The following PLEK variants were observed in gnomAD, a reference collection of about 807,000 sequenced individuals.
PLEK encodes the protein platelet 47 kDa protein.
PLEK carries 25 observed loss-of-function variants against 43.9 expected under a neutral mutation model. That is an observed-to-expected ratio of 0.57 (90% CI 0.41 to 0.79). PLEK has a LOEUF of 0.79. Among genes scored for constraint, PLEK ranks in the 30% least tolerant of loss-of-function variants. The pLI is 0.00. For synonymous variants in PLEK, 152 were observed against 144.4 expected, an observed-to-expected ratio of 1.05 and a Z score of -0.38; for missense variants, 396 against 413.3, an observed-to-expected ratio of 0.96 and a Z score of 0.36.
Position 68,395,853 on chromosome 2 carries a change from G to A in PLEK, c.*37G>A. The A allele has an allele frequency of 1.9e-6, 3 of 1,590,598 alleles. No homozygotes were observed. The highest frequency in any genetic ancestry group is 2.6e-6 in the Non-Finnish European group (3 of 1,159,552). Reference sequence around the variant, plus strand: ...CATTCCTCCTCCCCTCCTGAGGGAAGCCCATGGACAAGCTCAGTCCAGGAC... The same window carrying A: ...CATTCCTCCTCCCCTCCTGAGGGAAACCCATGGACAAGCTCAGTCCAGGAC... On this transcript the variant is annotated 3_prime_UTR_variant, in exon 9 of 9. Coordinates refer to ENST00000234313, the MANE Select transcript of PLEK (RefSeq NM_002664.3).
At position 68,370,694 on chromosome 2, in the gene PLEK, C is replaced by A. The variant is rs553915521; in HGVS notation, c.42+5301C>A. ...AGAGATGGGGTTTCACCATGTTGGC[C>A]AGGCTTGTCTTGAACTCTTAACCTC... On this transcript the variant is annotated intron_variant, in intron 1 of 8. Transcript: ENST00000234313. Among the ~76,000 whole-genome samples the A allele has an allele frequency of 2.0e-5, 3 of 152,172 alleles. No homozygotes were observed. The East Asian group carries it at 5.8e-4, about 29-fold the overall frequency.
At chr2:68,368,603 C>T (rs928966677) in intron 1 of PLEK, among the ~76,000 whole-genome samples, 6 of 152,222 alleles carry the variant, frequency 3.9e-5, no homozygotes, top group Non-Finnish European at 7.3e-5. Context: ...ACCTCAGCCT[C>T]CTTTCCTCTC....
intron 1 of PLEK, among the ~76,000 whole-genome samples, chr2:68,366,260 A>G (rs1558494154): frequency 6.6e-6 from 1 of 152,228 alleles, no homozygotes; most frequent in African/African-American, 2.4e-5. Context: ...TTTTAGTTGA[A>G]TGAACAGTGA....
rs1673953063 is a variant in PLEK, at chr2:68,395,840, C to T, written c.*24C>T. On this transcript the variant is annotated 3_prime_UTR_variant, in exon 9 of 9. Coordinates refer to ENST00000234313, the MANE Select transcript of PLEK (RefSeq NM_002664.3). ...AAAGAGACTCCTGCATTCCTCCTCC[C>T]CTCCTGAGGGAAGCCCATGGACAAG... is the stretch of plus-strand genomic sequence containing the variant. 1 of 1,606,108 alleles carries T rather than the reference C, an allele frequency of 6.2e-7. No homozygotes were observed. Among genetic ancestry groups the T allele is most frequent in the Non-Finnish European group, 8.5e-7 (1 of 1,173,222 alleles).
At chr2:68,370,207 G>T (rs1346211816) in intron 1 of PLEK, among the ~76,000 whole-genome samples, 3 of 152,182 alleles carry the variant, frequency 2.0e-5, no homozygotes, top group East Asian at 1.9e-4. Context: ...GCCATACATT[G>T]TATGTGAAAA....
At chr2:68,383,156 G>C (rs1173815143) in intron 4 of PLEK, among the ~76,000 whole-genome samples, 2 of 152,102 alleles carry the variant, frequency 1.3e-5, no homozygotes, top group Non-Finnish European at 2.9e-5. Flanking sequence ...TAAAACCTTG[G>C]CTCAATAACT....
chr2:68,376,140 G>T (rs1673496455), intron 1 of PLEK, among the ~76,000 whole-genome samples: 1 of 152,148 alleles, frequency 6.6e-6, no homozygotes, highest in Non-Finnish European at 1.5e-5. Flanking sequence ...GTCTATGGGA[G>T]ACACGGCTGT....
At chr2:68,378,853 G>T (rs1673555711) in intron 1 of PLEK, among the ~76,000 whole-genome samples, 1 of 152,176 alleles carries the variant, frequency 6.6e-6, no homozygotes. Flanking sequence ...GAACCAGCTG[G>T]GCGCGATGGC....
chr2:68,386,001 A>G (rs1024142224), intron 4 of PLEK, among the ~76,000 whole-genome samples: 1 of 152,222 alleles, frequency 6.6e-6, no homozygotes, highest in African/African-American at 2.4e-5. Context: ...TGAGTGGGTT[A>G]GTAAAACCTA....
chr2:68,367,119 T>C (rs543893817), intron 1 of PLEK, among the ~76,000 whole-genome samples: 2 of 152,206 alleles, frequency 1.3e-5, no homozygotes, highest in Non-Finnish European at 1.5e-5. Context: ...TGGAATTAAA[T>C]AGTGAAATTT....
chr2:68,378,199 T>C lies in PLEK; in HGVS notation c.43-2129T>C, dbSNP rs1673542676. Among the ~76,000 whole-genome samples the C allele has an allele frequency of 1.3e-5, 2 of 152,174 alleles. 1 individual carries two copies. The highest frequency in any genetic ancestry group is 1.3e-4 in the Admixed American group (2 of 15,274). On this transcript the variant is annotated intron_variant, in intron 1 of 8. Coordinates refer to ENST00000234313, the MANE Select transcript of PLEK (RefSeq NM_002664.3). ...TTAAGATGGAATTATTATCTCTCTCTTAGCAAACAAAAAGCCATGGCTCAG... is the reference window on the plus strand; with the variant it reads ...TTAAGATGGAATTATTATCTCTCTCCTAGCAAACAAAAAGCCATGGCTCAG...
chr2:68,394,126 C>A lies in PLEK; in HGVS notation c.866C>A (p.Ala289Glu), dbSNP rs554199770. 3 of 1,609,248 alleles carry A rather than the reference C, an allele frequency of 1.9e-6. No individual in the cohort carries two copies. Among genetic ancestry groups the A allele is most frequent in the African/African-American group, 2.7e-5 (2 of 74,948 alleles). Residue 289 changes from alanine to glutamate, a missense_variant, in exon 8 of 9, where the codon GCA becomes GAA. By Grantham distance (107) the Ala-to-Glu change is moderately radical. Transcript: ENST00000234313. ...DPAGAEDPLG[A>E]IHLRGCVVTS... is the part of the protein sequence containing the mutation. Reference sequence around the variant, plus strand: ...CTTTAGGCAGAAGATCCCCTGGGAGCAATTCACTTGAGAGGCTGTGTGGTG... The same window carrying A: ...CTTTAGGCAGAAGATCCCCTGGGAGAAATTCACTTGAGAGGCTGTGTGGTG...
intron 8 of PLEK, among the ~76,000 whole-genome samples, chr2:68,395,348 G>T (rs1312081148): frequency 6.6e-6 from 1 of 151,844 alleles, no homozygotes; most frequent in African/African-American, 2.4e-5. Flanking sequence ...AACTATTAGA[G>T]GTTACTCATT....
At chr2:68,365,431 A>G (rs1262469917) in intron 1 of PLEK, 38 bp downstream of exon 1, 11 of 1,561,454 alleles carry the variant, frequency 7.0e-6, no homozygotes, top group Admixed American at 3.3e-5. Flanking sequence ...GTCAGTGGAC[A>G]TGGGCTGGGG....
At chr2:68,368,796 G>A (rs1242476206) in intron 1 of PLEK, among the ~76,000 whole-genome samples, 1 of 152,222 alleles carries the variant, frequency 6.6e-6, no homozygotes, top group East Asian at 1.9e-4. Context: ...GAGGTTTATG[G>A]AGCAAGCTGT....
chr2:68,367,248 A>C (rs1193197842), intron 1 of PLEK, among the ~76,000 whole-genome samples: 1 of 89,404 alleles, frequency 1.1e-5, no homozygotes, highest in East Asian at 4.8e-4. Flanking sequence ...ATGCATTAAG[A>C]TTCTCTTTTT....
At chr2:68,377,467 C>A (rs1043787286) in intron 1 of PLEK, among the ~76,000 whole-genome samples, 1 of 152,146 alleles carries the variant, frequency 6.6e-6, no homozygotes, top group African/African-American at 2.4e-5. Flanking sequence ...GCCATTTTGA[C>A]TGAGATGAGC....
At chr2:68,394,000 G>A in intron 7 of PLEK, 107 bp from the exon 8 acceptor site, 1 of 735,720 alleles carries the variant, frequency 1.4e-6, no homozygotes, top group South Asian at 1.5e-5. Flanking sequence ...CTTATTTTGG[G>A]GGGCCCTGAT....
Position 68,388,370 on chromosome 2 carries a change from G to A in PLEK, c.658-17G>A, listed in dbSNP as rs1345222418. Reference sequence around the variant, plus strand: ...CTAAGACTGGTGATGTTAGCTTGCTGTTTGATTTTCCAACAGCCAGACAGT... The same window carrying A: ...CTAAGACTGGTGATGTTAGCTTGCTATTTGATTTTCCAACAGCCAGACAGT... On this transcript the variant is annotated splice_polypyrimidine_tract_variant and intron_variant, in intron 5 of 8. Coordinates refer to ENST00000234313, the MANE Select transcript of PLEK (RefSeq NM_002664.3). 6.1e-6 allele frequency: 9 copies of A among 1,487,484 alleles called. No homozygotes were observed. Among genetic ancestry groups the A allele is most frequent in the African/African-American group, 1.4e-5 (1 of 72,572 alleles). 92.1% of individuals were successfully genotyped at this position (1,487,484 alleles called of 1,614,324 possible).
Sources: gnomAD v4.1 joint callset for allele counts (sites outside exome capture counted in the v4.1 genomes callset) on GRCh38, gnomAD v4.1.1 for gene constraint, MANE v1.5 for transcripts, NCBI Gene and HGNC (gene_info 2026-07-23, HGNC 2026-07-21) for gene names.